Variants in RNF24 observed in about 807,000 individuals in gnomAD.
RNF24 encodes the protein ring finger protein 24.
In RNF24, 14 loss-of-function variants were observed where a neutral mutation model predicts 20.0. That is an observed-to-expected ratio of 0.70 (90% CI 0.46 to 1.10). RNF24 has a LOEUF of 1.10. Among genes scored for constraint, RNF24 ranks in the 50% least tolerant of loss-of-function variants. The pLI is 0.00. For synonymous variants in RNF24, 45 were observed against 61.1 expected (o/e 0.74, Z 1.23); for missense variants, 124 against 177.6 (o/e 0.70, Z 1.71).
At chr20:3,991,519 A>T (rs6037715) in intron 1 of RNF24, among the ~76,000 whole-genome samples, 22,474 of 152,100 alleles carry the variant, frequency 0.15, 1,790 homozygotes, top group Non-Finnish European at 0.17. Context: ...CCCAAAGTAC[A>T]GGGATTACAG....
chr20:3,949,887 C>T (rs2091062524), intron 2 of RNF24, among the ~76,000 whole-genome samples: 1 of 152,104 alleles, frequency 6.6e-6, no homozygotes, highest in East Asian at 1.9e-4. Flanking sequence ...AGATATTCTC[C>T]TGAGTATGTT....
intron 1 of RNF24, among the ~76,000 whole-genome samples, chr20:4,006,312 T>A (rs968949063): frequency 1.3e-5 from 2 of 150,824 alleles, no homozygotes; most frequent in African/African-American, 2.4e-5. Context: ...GAGGTTGCGG[T>A]GAGCAGAAAG....
rs2091086434 is a variant in RNF24, at chr20:3,951,949, AG to A, written c.144-3671del. 6.6e-5 allele frequency among the ~76,000 whole-genome samples: 10 copies of A among 152,308 alleles called. No homozygotes were observed. In the South Asian group the frequency reaches 2.1e-3, roughly 32 times the overall value. Reference sequence around the variant, plus strand: ...GCCCTGGGGTTAGCCACTTCTTCCAAGGAACCCTAATTCCTTTTATTGGAGA... The same window carrying A: ...GCCCTGGGGTTAGCCACTTCTTCCAAGAACCCTAATTCCTTTTATTGGAGA... On this transcript the variant is annotated intron_variant, in intron 2 of 5. Transcript: ENST00000358395.
At chr20:3,942,656 G>T (rs1266374798) in intron 4 of RNF24, among the ~76,000 whole-genome samples, 1 of 152,046 alleles carries the variant, frequency 6.6e-6, no homozygotes, top group Non-Finnish European at 1.5e-5. Context: ...TGTATTTTTA[G>T]TAGAGACGGG....
chr20:4,002,351 A>G lies in RNF24; in HGVS notation c.-8+13086T>C, dbSNP rs1810727038. On this transcript the variant is annotated intron_variant, in intron 1 of 5. Transcript: ENST00000358395. ...CAGTGAGCCAAGATGGTGCCACTGC[A>G]CTCCAGCCTGGGCAACAGAGCAAGA... Among the ~76,000 whole-genome samples, 5 of 152,208 alleles carry G rather than the reference A, an allele frequency of 3.3e-5. No individual in the cohort carries two copies. In the South Asian group the frequency reaches 8.3e-4, roughly 25 times the overall value.
chr20:3,965,120 T>C (rs1324256836), intron 1 of RNF24, among the ~76,000 whole-genome samples: 3 of 152,218 alleles, frequency 2.0e-5, no homozygotes, highest in Non-Finnish European at 4.4e-5. Flanking sequence ...TAGTTTGTCA[T>C]TTTGATTCCT....
chr20:3,982,943 C>A lies in RNF24; in HGVS notation c.-7-18919G>T, dbSNP rs565138753. Among the ~76,000 whole-genome samples the A allele has an allele frequency of 2.0e-5, 3 of 152,280 alleles. No homozygotes were observed. The South Asian group carries it at 6.2e-4, about 32-fold the overall frequency. ...GGTGATTAGGCTATGAGGGATCTATCTTCATGAATGGATTAATGCCATTAC... is the reference window on the plus strand; with the variant it reads ...GGTGATTAGGCTATGAGGGATCTATATTCATGAATGGATTAATGCCATTAC... On this transcript the variant is annotated intron_variant, in intron 1 of 5. Coordinates refer to ENST00000358395, the MANE Select transcript of RNF24 (RefSeq NM_001134337.3).
At chr20:4,011,704 A>G (rs1377450501) in intron 1 of RNF24, among the ~76,000 whole-genome samples, 7 of 152,256 alleles carry the variant, frequency 4.6e-5, no homozygotes, top group Non-Finnish European at 2.9e-5. Flanking sequence ...AGGAGCAACA[A>G]AAGTTGTTCA....
intron 1 of RNF24, among the ~76,000 whole-genome samples, chr20:3,986,726 C>T (rs1176362788): frequency 2.0e-5 from 3 of 151,422 alleles, no homozygotes; most frequent in South Asian, 2.1e-4. Flanking sequence ...AGGCTCACTG[C>T]AGCCTTGGCC....
rs979923580 is a variant in RNF24, at chr20:3,957,317, C to G, written c.143+6558G>C. ...TCTCAAAAAAAGAAAAAAAGTTAGC[C>G]AGGCATGATGGCGTGTGCCTATAGT... On this transcript the variant is annotated intron_variant, in intron 2 of 5. Coordinates refer to ENST00000358395, the MANE Select transcript of RNF24 (RefSeq NM_001134337.3). Among the ~76,000 whole-genome samples, 6 of 151,558 alleles carry G rather than the reference C, an allele frequency of 4.0e-5. No individual in the cohort carries two copies. In the South Asian group the frequency reaches 1.3e-3, roughly 32 times the overall value.
intron 1 of RNF24, among the ~76,000 whole-genome samples, chr20:3,988,372 G>A (rs189490579): frequency 5.8e-4 from 87 of 150,938 alleles, no homozygotes; most frequent in African/African-American, 2.1e-3. Flanking sequence ...GGTGTGTCCA[G>A]TAACTGGAAT....
At chr20:3,955,059 G>T (rs1469750142) in intron 2 of RNF24, among the ~76,000 whole-genome samples, 2 of 152,132 alleles carry the variant, frequency 1.3e-5, no homozygotes, top group African/African-American at 4.8e-5. Flanking sequence ...ATCCTAGTAG[G>T]TGTGAAGTGG....
At chr20:3,956,712 C>A (rs1047569248) in intron 2 of RNF24, among the ~76,000 whole-genome samples, 5 of 151,986 alleles carry the variant, frequency 3.3e-5, no homozygotes, top group Non-Finnish European at 5.9e-5. Flanking sequence ...GTCTTTCTTG[C>A]CTAATATATG....
chr20:3,980,345 C>T (rs1291502679), intron 1 of RNF24, among the ~76,000 whole-genome samples: 1 of 152,126 alleles, frequency 6.6e-6, no homozygotes, highest in Non-Finnish European at 1.5e-5. Context: ...CCGGATAGCA[C>T]CGAGTCCTAC....
chr20:3,962,313 C>T (rs949627674), intron 2 of RNF24, among the ~76,000 whole-genome samples: 1 of 152,102 alleles, frequency 6.6e-6, no homozygotes, highest in African/African-American at 2.4e-5. Flanking sequence ...GAGACTGTGC[C>T]ACTGCACTCC....
intron 1 of RNF24, among the ~76,000 whole-genome samples, chr20:4,008,880 A>C (rs991943810): frequency 6.6e-6 from 1 of 152,138 alleles, no homozygotes; most frequent in Admixed American, 6.6e-5. Flanking sequence ...TTATGAAAGA[A>C]TGAAATGTAA....
chr20:4,006,046 A>G (rs1036839701), intron 1 of RNF24, among the ~76,000 whole-genome samples: 1 of 152,178 alleles, frequency 6.6e-6, no homozygotes, highest in African/African-American at 2.4e-5. Context: ...AATGAGAGAC[A>G]AGCTAAGACT....
In RNF24 at chr20:3,933,425, C is replaced by A; in HGVS notation, c.*638G>T. 1 of 376,900 alleles carries A rather than the reference C, an allele frequency of 2.7e-6. No individual in the cohort carries two copies. Among genetic ancestry groups the A allele is most frequent in the Non-Finnish European group, 4.7e-6 (1 of 212,940 alleles). The allele number at this position is 376,900 out of a possible 1,614,324, so 23.3% of individuals were successfully genotyped here. A position where few individuals can be genotyped will look rare whatever the true frequency, so the allele number is the denominator to read the frequency against. ...AGAGGGAAATGATAAGAGGAAATGG[C>A]TTCTGACTAGGCCTTTCCAAGCGCA... is the stretch of plus-strand genomic sequence containing the variant. On this transcript the variant is annotated 3_prime_UTR_variant, in exon 6 of 6. Coordinates refer to ENST00000358395, the MANE Select transcript of RNF24 (RefSeq NM_001134337.3).
chr20:3,951,637 T>A (rs1417910560), intron 2 of RNF24, among the ~76,000 whole-genome samples: 2 of 152,358 alleles, frequency 1.3e-5, no homozygotes, highest in East Asian at 3.9e-4. Context: ...TTTCTATCAG[T>A]CTAGACTAAT....
Sources: allele counts gnomAD v4.1 joint callset (sites outside exome capture counted in the v4.1 genomes callset), GRCh38; gene constraint gnomAD v4.1.1; transcripts MANE v1.5; gene names NCBI Gene and HGNC (gene_info 2026-07-23, HGNC 2026-07-21).